CTNNA2: variants seen among roughly 807,000 people sequenced by gnomAD.
CTNNA2 encodes the protein catenin alpha-2.
CTNNA2 carries 42 observed loss-of-function variants against 101.0 expected under a neutral mutation model. That is an observed-to-expected ratio of 0.42 (90% confidence interval 0.32 to 0.54). The LOEUF is 0.54. CTNNA2 is among the 20% of genes least tolerant of loss of function. The pLI, the probability that CTNNA2 is intolerant of heterozygous loss-of-function variation, is 0.14. For synonymous variants in CTNNA2, 450 were observed against 456.4 expected (o/e 0.99, Z 0.18); for missense variants, 871 against 1,223.1 (o/e 0.71, Z 4.29).
intron 4 of CTNNA2, among the ~76,000 whole-genome samples, chr2:79,427,042 A>C (rs1380414533): frequency 1.3e-5 from 2 of 152,072 alleles, no homozygotes; most frequent in Non-Finnish European, 2.9e-5. Flanking sequence ...CCTCTCTCAC[A>C]ACCCATTGCC....
intron 7 of CTNNA2, among the ~76,000 whole-genome samples, chr2:79,966,603 A>G (rs1558683339): frequency 6.6e-6 from 1 of 152,080 alleles, no homozygotes; most frequent in South Asian, 2.1e-4. Flanking sequence ...CATACCTGTG[A>G]TCATAACAGG....
chr2:79,753,867 C>CTTTTTT (rs1170637332), intron 3 of CTNNA2, among the ~76,000 whole-genome samples: 1 of 134,914 alleles, frequency 7.4e-6, no homozygotes, highest in Non-Finnish European at 1.6e-5. Context: ...CTTTTTCTCT[C>CTTTTTT]TTTTTTTTTT....
chr2:79,639,919 A>AT (rs1488206722), intron 1 of CTNNA2, among the ~76,000 whole-genome samples: 1 of 147,652 alleles, frequency 6.8e-6, no homozygotes, highest in Non-Finnish European at 1.5e-5. Context: ...TTTGTATTTT[A>AT]TTTTAACTAT....
intron 4 of CTNNA2, among the ~76,000 whole-genome samples, chr2:79,396,350 G>A (rs558495197): frequency 6.6e-6 from 1 of 152,106 alleles, no homozygotes; most frequent in East Asian, 1.9e-4. Context: ...GTAGAGACGG[G>A]ATTTCACTAT....
chr2:79,857,881 G>A (rs1262364957), intron 3 of CTNNA2, 132 bp from the exon 4 acceptor site: 2 of 892,042 alleles, frequency 2.2e-6, no homozygotes, highest in Non-Finnish European at 3.5e-6. Context: ...TGCTGCAATA[G>A]AGGTGGCAGA....
At chr2:80,407,748 G>A (rs965303937) in intron 8 of CTNNA2, among the ~76,000 whole-genome samples, 1 of 152,174 alleles carries the variant, frequency 6.6e-6, no homozygotes, top group African/African-American at 2.4e-5. Context: ...CCACAAAGTT[G>A]GGAATGTGGA....
At chr2:79,635,883 C>T (rs1680004851) in intron 1 of CTNNA2, among the ~76,000 whole-genome samples, 1 of 151,790 alleles carries the variant, frequency 6.6e-6, no homozygotes, top group East Asian at 2.0e-4. Context: ...CACTTTTAAG[C>T]CTGTTCATTT....
intron 9 of CTNNA2, among the ~76,000 whole-genome samples, chr2:80,500,581 T>C (rs563750197): frequency 6.6e-6 from 1 of 152,322 alleles, no homozygotes; most frequent in South Asian, 2.1e-4. Flanking sequence ...AAATTATCTG[T>C]CGTTCAGAGA....
At chr2:80,521,231 A>G (rs1689522030) in intron 9 of CTNNA2, among the ~76,000 whole-genome samples, 1 of 152,152 alleles carries the variant, frequency 6.6e-6, no homozygotes, top group Non-Finnish European at 1.5e-5. Context: ...ATTTGAGGCT[A>G]CCAAGTGGAA....
At chr2:80,294,852 C>G (rs1044259683) in intron 7 of CTNNA2, among the ~76,000 whole-genome samples, 1 of 151,952 alleles carries the variant, frequency 6.6e-6, no homozygotes, top group East Asian at 1.9e-4. Context: ...TCTCATAACA[C>G]GAGGGAAAAT....
chr2:80,198,538 G>A (rs1015781406), intron 7 of CTNNA2, among the ~76,000 whole-genome samples: 1 of 152,096 alleles, frequency 6.6e-6, no homozygotes, highest in African/African-American at 2.4e-5. Context: ...TTCAGTTTAT[G>A]AGATTGCCAG....
intron 7 of CTNNA2, among the ~76,000 whole-genome samples, chr2:80,134,600 G>T (rs560778230): frequency 6.6e-6 from 1 of 152,276 alleles, no homozygotes; most frequent in Admixed American, 6.5e-5. Context: ...AAGGCACACT[G>T]ATGACTGGGT....
At position 80,302,219 on chromosome 2, in the gene CTNNA2, G is replaced by C; in HGVS notation, c.1057-90992G>C. ...CCGTCCCGGCTGCCCAGGCGTATTT[G>C]GTAGCGCATGGGTTGAGAGCCACTG... On this transcript the variant is annotated intron_variant, in intron 7 of 18. Transcript: ENST00000402739. The surrounding 1 kb of genome is among the most constrained non-coding windows in gnomAD (Gnocchi z 6.4). 1 of 1,593,186 alleles carries C rather than the reference G, an allele frequency of 6.3e-7. No homozygotes were observed. The highest frequency in any genetic ancestry group is 8.6e-7 in the Non-Finnish European group (1 of 1,168,934).
chr2:79,337,724 G>GCAGA (rs1677025454), intron 3 of CTNNA2, among the ~76,000 whole-genome samples: 1 of 151,848 alleles, frequency 6.6e-6, no homozygotes, highest in Non-Finnish European at 1.5e-5. Flanking sequence ...TGTCTGCTCT[G>GCAGA]CACTGAGGAA....
At chr2:79,715,077 G>C (rs185541500) in intron 2 of CTNNA2, among the ~76,000 whole-genome samples, 2 of 151,262 alleles carry the variant, frequency 1.3e-5, no homozygotes, top group East Asian at 3.9e-4. Flanking sequence ...CGTGGTGGTG[G>C]ATGCCTGTAA....
At position 79,993,065 on chromosome 2, in the gene CTNNA2, A is replaced by T. The variant is rs563539945; in HGVS notation, c.1056+83268A>T. Among the ~76,000 whole-genome samples the T allele has an allele frequency of 4.6e-5, 7 of 152,162 alleles. No individual in the cohort carries two copies. The South Asian group carries it at 1.5e-3, about 32-fold the overall frequency. ...AACCATCAACAGGTGGCTTTCTTGCAATTTATTTGAGGGGAAGAGCAGGAA... is the reference window on the plus strand; with the variant it reads ...AACCATCAACAGGTGGCTTTCTTGCTATTTATTTGAGGGGAAGAGCAGGAA... On this transcript the variant is annotated intron_variant, in intron 7 of 18. Coordinates refer to ENST00000402739, the MANE Select transcript of CTNNA2 (RefSeq NM_001282597.3).
intron 7 of CTNNA2, among the ~76,000 whole-genome samples, chr2:80,165,710 A>C (rs1376488810): frequency 1.3e-5 from 2 of 152,196 alleles, no homozygotes; most frequent in Non-Finnish European, 2.9e-5. Flanking sequence ...CTGACTCTTC[A>C]CAGGCCTCTT....
chr2:79,323,012 G>A (rs1676659918), intron 3 of CTNNA2, among the ~76,000 whole-genome samples: 1 of 152,150 alleles, frequency 6.6e-6, no homozygotes. Flanking sequence ...CACAGGCATT[G>A]GGGTATTTTC....
At chr2:79,865,733 ATT>A (rs1216293716) in intron 4 of CTNNA2, among the ~76,000 whole-genome samples, 5 of 152,170 alleles carry the variant, frequency 3.3e-5, no homozygotes, top group Non-Finnish European at 4.4e-5. Context: ...TTGTTTATTT[ATT>A]TTGAGACGGA....
Sources: allele counts gnomAD v4.1 joint callset (sites outside exome capture counted in the v4.1 genomes callset), GRCh38; gene constraint gnomAD v4.1.1; non-coding constraint Gnocchi (gnomAD v3.1); transcripts MANE v1.5; gene names NCBI Gene and HGNC (gene_info 2026-07-23, HGNC 2026-07-21).